CATSPERE: variants seen among roughly 807,000 people sequenced by gnomAD.
CATSPERE encodes the protein catsper channel auxiliary subunit epsilon.
CATSPERE carries 93 observed loss-of-function variants against 114.1 expected under a neutral mutation model. The observed-to-expected ratio is 0.81, with a 90% CI of 0.69 to 0.97. The LOEUF is 0.97. Ranked by LOEUF, CATSPERE falls within the 50% of genes least tolerant of loss-of-function variation. The pLI, the probability that CATSPERE is intolerant of heterozygous loss-of-function variation, is 0.00. For missense variants in CATSPERE, 1,058 were observed against 1,131.6 expected (o/e 0.93, Z 0.93); for synonymous variants, 341 against 384.1 (o/e 0.89, Z 1.31).
chr1:244,548,072 A>C (rs1206236993), intron 8 of CATSPERE, among the ~76,000 whole-genome samples: 1 of 152,272 alleles, frequency 6.6e-6, no homozygotes, highest in Non-Finnish European at 1.5e-5. Flanking sequence ...TATGGGGAAG[A>C]AGTATGCAGA....
At chr1:244,513,946 GT>G in intron 7 of CATSPERE, among the ~76,000 whole-genome samples, 1 of 152,250 alleles carries the variant, frequency 6.6e-6, no homozygotes, top group African/African-American at 2.4e-5. Context: ...GTTGTTTGGT[GT>G]TATTTTTTAT....
At chr1:244,627,968 G>A (rs1454452697) in intron 20 of CATSPERE, among the ~76,000 whole-genome samples, 7 of 152,196 alleles carry the variant, frequency 4.6e-5, no homozygotes, top group African/African-American at 1.7e-4. Flanking sequence ...TCAGTGCTAT[G>A]TGCATAACCT....
chr1:244,552,847 T>C (rs920575803), intron 9 of CATSPERE, 33 bp downstream of exon 9: 63 of 1,076,470 alleles, frequency 5.9e-5, no homozygotes, highest in Non-Finnish European at 7.3e-5. Flanking sequence ...TTTATAAATA[T>C]ATTTATATTT....
intron 8 of CATSPERE, among the ~76,000 whole-genome samples, chr1:244,525,547 A>G (rs1678449615): frequency 6.6e-6 from 1 of 152,128 alleles, no homozygotes; most frequent in Middle Eastern, 3.2e-3. Context: ...GATACGCAAC[A>G]ATGAAACACT....
rs777817314 is a variant in CATSPERE, at chr1:244,610,293, G to C, written c.2457G>C (p.Lys819Asn). The change falls in exon 19 of 22, where the codon AAG becomes AAC. Residue 819 changes from lysine to asparagine, a missense_variant. Lys to Asn is a moderately conservative substitution (Grantham distance 94, BLOSUM62 0). This residue lies in a region of CATSPERE where 787 missense variants were observed against 905.6 expected (regional missense o/e 0.87). Coordinates refer to ENST00000366534, the MANE Select transcript of CATSPERE (RefSeq NM_001130957.2). ...QTWKSMIELN[K>N]HLPLEEVWGP... ...GGAAGTCAATGATTGAACTTAACAA[G>C]CACCTCCCACTAGAAGAAGTCTGGG... 16 of 1,613,002 alleles carry C rather than the reference G, an allele frequency of 9.9e-6. No homozygotes were observed. In the East Asian group the frequency reaches 3.6e-4, roughly 36 times the overall value.
chr1:244,452,042 G>A (rs893957836), upstream of CATSPERE: 7 of 385,844 alleles, frequency 1.8e-5, no homozygotes, highest in Non-Finnish European at 2.7e-5. Context: ...GGCCTCGGCA[G>A]CACCGCCCGC....
intron 9 of CATSPERE, among the ~76,000 whole-genome samples, chr1:244,556,964 C>T (rs951487622): frequency 2.0e-5 from 3 of 151,922 alleles, no homozygotes; most frequent in African/African-American, 7.3e-5. Flanking sequence ...TTCTCCACAC[C>T]ACTTATTGAA....
upstream of CATSPERE, among the ~76,000 whole-genome samples, chr1:244,460,689 G>A (rs1357634878): frequency 6.6e-6 from 1 of 152,240 alleles, no homozygotes; most frequent in Non-Finnish European, 1.5e-5. Context: ...TGAGGCGGGT[G>A]GATCACTTGA....
chr1:244,561,955 C>T (rs547351070), intron 10 of CATSPERE, among the ~76,000 whole-genome samples: 177 of 152,010 alleles, frequency 1.2e-3, no homozygotes, highest in African/African-American at 4.2e-3. Context: ...AGTTCGAGTC[C>T]AGCCTGTGCA....
In CATSPERE at chr1:244,527,193, G is replaced by T. The variant is rs187926818; in HGVS notation, c.536+8495G>T. 2.0e-5 allele frequency among the ~76,000 whole-genome samples: 3 copies of T among 152,248 alleles called. No homozygotes were observed. The East Asian group carries it at 5.8e-4, about 29-fold the overall frequency. On this transcript the variant is annotated intron_variant, in intron 8 of 21. Coordinates refer to ENST00000366534, the MANE Select transcript of CATSPERE (RefSeq NM_001130957.2). ...AAATTTATTAGGGGGTAATTTCCTC[G>T]TCCTAATAAGCCTGGGAGCGCTACA...
In CATSPERE at chr1:244,618,692, G is replaced by A. The variant is rs538208382; in HGVS notation, c.2648+1006G>A. ...CTCAGAAGGCTGAGGCAGGAGAATCGCTTGAGCCTGGGAGCCAGAGGTTGC... is the reference window on the plus strand; with the variant it reads ...CTCAGAAGGCTGAGGCAGGAGAATCACTTGAGCCTGGGAGCCAGAGGTTGC... On this transcript the variant is annotated intron_variant, in intron 20 of 21. Transcript: ENST00000366534. Among the ~76,000 whole-genome samples the A allele has an allele frequency of 2.3e-3, 343 of 152,162 alleles. 3 individuals are homozygous for A. The highest frequency in any genetic ancestry group is 7.6e-3 in the African/African-American group (315 of 41,514).
chr1:244,557,534 TATATATATATATA>T (rs1308705130), intron 9 of CATSPERE, among the ~76,000 whole-genome samples: 1 of 17,750 alleles, frequency 5.6e-5, no homozygotes, highest in African/African-American at 4.8e-4. Flanking sequence ...GAAATATTCA[TATATATATATATA>T]TATATATATA....
intron 8 of CATSPERE, among the ~76,000 whole-genome samples, chr1:244,535,308 G>A (rs909348011): frequency 6.6e-6 from 1 of 152,208 alleles, no homozygotes; most frequent in Non-Finnish European, 1.5e-5. Flanking sequence ...ACCAGCAGGT[G>A]GTGAAGCCAG....
chr1:244,510,285 G>A (rs923664554), intron 7 of CATSPERE, among the ~76,000 whole-genome samples: 4 of 152,010 alleles, frequency 2.6e-5, no homozygotes, highest in African/African-American at 7.2e-5. Context: ...CTTCATTTGC[G>A]TCAAGGAATT....
At chr1:244,501,429 A>T (rs2148287049) in intron 7 of CATSPERE, among the ~76,000 whole-genome samples, 1 of 152,360 alleles carries the variant, frequency 6.6e-6, no homozygotes, top group East Asian at 1.9e-4. Context: ...AGAAAAATCT[A>T]AAATGAGGAA....
At chr1:244,497,775 C>T (rs1057251023) in intron 6 of CATSPERE, among the ~76,000 whole-genome samples, 7 of 152,076 alleles carry the variant, frequency 4.6e-5, no homozygotes, top group African/African-American at 4.8e-5. Context: ...CCAGCCTGGG[C>T]GACAGAGCAA....
intron 1 of CATSPERE, among the ~76,000 whole-genome samples, chr1:244,456,048 A>G (rs1001560273): frequency 1.9e-4 from 29 of 152,142 alleles, no homozygotes; most frequent in African/African-American, 6.5e-4. Context: ...TCAGAGAAGC[A>G]TGCTTTGGCC....
At chr1:244,553,542 C>T (rs1473926082) in intron 9 of CATSPERE, among the ~76,000 whole-genome samples, 2 of 142,304 alleles carry the variant, frequency 1.4e-5, no homozygotes, top group Non-Finnish European at 3.0e-5. Flanking sequence ...GATCGTGCCA[C>T]TGCACTCCAG....
At chr1:244,557,868 ACT>A (rs1186880437) in intron 9 of CATSPERE, among the ~76,000 whole-genome samples, 2 of 150,802 alleles carry the variant, frequency 1.3e-5, no homozygotes, top group African/African-American at 4.9e-5. Flanking sequence ...TTATTTTTTC[ACT>A]GTTTTTTCCT....
Sources: gnomAD v4.1 joint callset for allele counts (sites outside exome capture counted in the v4.1 genomes callset) on GRCh38, gnomAD v4.1.1 for gene constraint, gnomAD v4.1.1 regional missense constraint, MANE v1.5 for transcripts, NCBI Gene and HGNC (gene_info 2026-07-23, HGNC 2026-07-21) for gene names.